The following AGT variants were observed in gnomAD, a reference collection of about 807,000 sequenced individuals.
The protein encoded by AGT is alpha-1 antiproteinase, antitrypsin.
A neutral mutation model predicts 28.1 loss-of-function variants in AGT; 26 were observed. That is an observed-to-expected ratio of 0.92 (90% CI 0.68 to 1.28). The LOEUF (loss-of-function observed/expected upper bound fraction) is 1.28, where lower values mean the gene tolerates loss of function less well. Ranked by LOEUF, AGT falls within the 50% of genes most tolerant of loss-of-function variation. AGT has a pLI of 0.00. For synonymous variants in AGT, 259 were observed against 259.6 expected (o/e 1.00, Z 0.02); for missense variants, 596 against 592.3 (o/e 1.01, Z -0.06).
Position 230,726,539 on chromosome 1 carries a change from G to A in AGT, c.-30-15686C>T, listed in dbSNP as rs572295126. ...TAAGATCCTAAGATGTCACTCTACT[G>A]GCTAAGGTGGGAGAGGGCTCTATTT... On this transcript the variant is annotated intron_variant, in intron 1 of 4. Transcript: ENST00000681269. Among the ~76,000 whole-genome samples, 44 of 152,034 alleles carry A rather than the reference G, an allele frequency of 2.9e-4. No homozygotes were observed. The South Asian group carries it at 3.1e-3, about 11-fold the overall frequency.
chr1:230,730,962 AC>A (rs1664041303), intron 1 of AGT, among the ~76,000 whole-genome samples: 2 of 152,172 alleles, frequency 1.3e-5, no homozygotes, highest in South Asian at 4.1e-4. Flanking sequence ...TTATGAATTA[AC>A]CTAATAATGC....
At chr1:230,713,661 G>C (rs61757170) in intron 1 of AGT, among the ~76,000 whole-genome samples, 4 of 152,158 alleles carry the variant, frequency 2.6e-5, no homozygotes, top group African/African-American at 7.2e-5. Flanking sequence ...CTCGAGGGAG[G>C]GGTAGGGTGA....
intron 1 of AGT, among the ~76,000 whole-genome samples, chr1:230,743,269 G>T (rs1391822463): frequency 6.6e-6 from 1 of 152,192 alleles, no homozygotes. Context: ...GGGATTACAG[G>T]TGTGAGCCAT....
At chr1:230,723,857 T>A (rs1033624524) in intron 1 of AGT, among the ~76,000 whole-genome samples, 1 of 152,210 alleles carries the variant, frequency 6.6e-6, no homozygotes, top group African/African-American at 2.4e-5. Flanking sequence ...ATATGCATTG[T>A]TGGTACACAG....
intron 1 of AGT, among the ~76,000 whole-genome samples, chr1:230,735,597 C>A (rs1178266290): frequency 6.6e-6 from 1 of 152,048 alleles, no homozygotes; most frequent in East Asian, 1.9e-4. Context: ...CACCTGGTGG[C>A]CCCTCCCTCG....
chr1:230,719,953 A>T (rs779914516), intron 1 of AGT, among the ~76,000 whole-genome samples: 1 of 152,204 alleles, frequency 6.6e-6, no homozygotes. Context: ...TTCTATTGCA[A>T]CAGGGGTCAA....
chr1:230,743,727 G>T (rs949529159), intron 1 of AGT, among the ~76,000 whole-genome samples: 1 of 152,244 alleles, frequency 6.6e-6, no homozygotes, highest in Admixed American at 6.5e-5. Flanking sequence ...ACCGGGTGGG[G>T]TCCTAGAGGT....
intron 1 of AGT, among the ~76,000 whole-genome samples, chr1:230,729,276 C>G (rs1265544218): frequency 6.6e-6 from 1 of 152,202 alleles, no homozygotes; most frequent in Non-Finnish European, 1.5e-5. Context: ...CTCTTCCTAG[C>G]TCCCGGGCAG....
chr1:230,707,935 C>A (rs1233861802), intron 2 of AGT, among the ~76,000 whole-genome samples: 9 of 152,162 alleles, frequency 5.9e-5, no homozygotes. Flanking sequence ...ACTGGGCAGA[C>A]GGTACCCTGG....
At chr1:230,711,077 C>G (rs1038342336) in intron 1 of AGT, among the ~76,000 whole-genome samples, 1 of 152,210 alleles carries the variant, frequency 6.6e-6, no homozygotes, top group Non-Finnish European at 1.5e-5. Context: ...TGTCCTACCT[C>G]CCCCAACGGC....
chr1:230,718,888 G>C (rs1385177147), upstream of AGT, among the ~76,000 whole-genome samples: 2 of 151,884 alleles, frequency 1.3e-5, no homozygotes, highest in Non-Finnish European at 2.9e-5. Flanking sequence ...ATGACACCTG[G>C]CCAACTTTTT....
intron 1 of AGT, among the ~76,000 whole-genome samples, chr1:230,734,325 G>T (rs1664116720): frequency 6.6e-6 from 1 of 152,044 alleles, no homozygotes; most frequent in Non-Finnish European, 1.5e-5. Flanking sequence ...ACTTTTACGA[G>T]GTTCTTAGAA....
intron 2 of AGT, among the ~76,000 whole-genome samples, chr1:230,706,683 C>T (rs1309247348): frequency 1.3e-5 from 2 of 152,204 alleles, no homozygotes; most frequent in Non-Finnish European, 2.9e-5. Context: ...CACTACACAG[C>T]CTCCCCCGTG....
Position 230,735,278 on chromosome 1 carries a change from T to A in AGT, c.-31+10237A>T, listed in dbSNP as rs1364663987. On this transcript the variant is annotated intron_variant, in intron 1 of 4. Coordinates refer to the AGT transcript ENST00000681269. Reference sequence around the variant, plus strand: ...AGCGGGAGAAGGGGGCACAGTGCTGTTTCTCCTTCTTCCTTCTCGCTCCTT... The same window carrying A: ...AGCGGGAGAAGGGGGCACAGTGCTGATTCTCCTTCTTCCTTCTCGCTCCTT... Among the ~76,000 whole-genome samples the A allele has an allele frequency of 2.6e-5, 4 of 152,140 alleles. 1 individual carries two copies. The highest frequency in any genetic ancestry group is 4.4e-5 in the Non-Finnish European group (3 of 68,026).
At chr1:230,740,056 A>G (rs1211206653) in intron 1 of AGT, among the ~76,000 whole-genome samples, 1 of 152,224 alleles carries the variant, frequency 6.6e-6, no homozygotes, top group Non-Finnish European at 1.5e-5. Context: ...TGGATTATTC[A>G]TGAGTTTACC....
upstream of AGT, among the ~76,000 whole-genome samples, chr1:230,718,161 T>A (rs1202528154): frequency 6.6e-6 from 1 of 152,150 alleles, no homozygotes. Flanking sequence ...CCCAGGCTGA[T>A]CTTGAACTAC....
intron 1 of AGT, among the ~76,000 whole-genome samples, chr1:230,732,847 A>G (rs2102803895): frequency 6.6e-6 from 1 of 152,316 alleles, no homozygotes; most frequent in South Asian, 2.1e-4. Context: ...AAAATCCAAG[A>G]AGTGGCCCCA....
At chr1:230,743,493 G>A (rs1237134729) in intron 1 of AGT, among the ~76,000 whole-genome samples, 1 of 152,200 alleles carries the variant, frequency 6.6e-6, no homozygotes, top group Non-Finnish European at 1.5e-5. Context: ...TACATCTGGA[G>A]TTAGCCTCAG....
Position 230,736,163 on chromosome 1 carries a change from G to T in AGT, c.-31+9352C>A, listed in dbSNP as rs550413588. On this transcript the variant is annotated intron_variant, in intron 1 of 4. Coordinates refer to the AGT transcript ENST00000681269. Reference sequence around the variant, plus strand: ...GAAACACATTTATGTTTAAGGCAAAGTTTGTGTGTGTGTGTGTGTGTGTGT... The same window carrying T: ...GAAACACATTTATGTTTAAGGCAAATTTTGTGTGTGTGTGTGTGTGTGTGT... 4.1e-5 allele frequency among the ~76,000 whole-genome samples: 6 copies of T among 145,310 alleles called. No individual in the cohort carries two copies. In the South Asian group the frequency reaches 1.3e-3, roughly 32 times the overall value.
Sources: allele counts gnomAD v4.1 joint callset (sites outside exome capture counted in the v4.1 genomes callset), GRCh38; gene constraint gnomAD v4.1.1; transcripts MANE v1.5; gene names NCBI Gene and HGNC (gene_info 2026-07-23, HGNC 2026-07-21).